EYS: variants seen among roughly 807,000 people sequenced by gnomAD.
EYS encodes the protein protein eyes shut homolog.
In EYS, 250 loss-of-function variants were observed where a neutral mutation model predicts 282.1. The ratio of observed to expected loss-of-function variants is 0.89; its 90% CI spans 0.80 to 0.98. EYS has a LOEUF of 0.98. Ranked by LOEUF, EYS falls within the 50% of genes least tolerant of loss-of-function variation. The pLI is 0.00. For missense variants in EYS, 4,016 were observed against 3,709.0 expected, an observed-to-expected ratio of 1.08 and a Z score of -2.15; for synonymous variants, 1,355 against 1,282.9, an observed-to-expected ratio of 1.06 and a Z score of -1.20.
intron 22 of EYS, among the ~76,000 whole-genome samples, chr6:64,682,923 A>G (rs62418023): frequency 0.062 from 9,509 of 152,252 alleles, 377 homozygotes; most frequent in East Asian, 0.15. Flanking sequence ...CCTGACCCAT[A>G]TGGATTCACA....
chr6:64,380,700 T>A (rs1353501303), intron 29 of EYS, among the ~76,000 whole-genome samples: 2 of 152,154 alleles, frequency 1.3e-5, no homozygotes, highest in Non-Finnish European at 2.9e-5. Flanking sequence ...TAGCACTGAT[T>A]GTTATAATAC....
chr6:64,589,351 C>G (rs931450430), intron 26 of EYS, among the ~76,000 whole-genome samples: 2 of 151,986 alleles, frequency 1.3e-5, no homozygotes, highest in Non-Finnish European at 2.9e-5. Context: ...AGCAAAAACA[C>G]ACAACCATAC....
chr6:64,696,664 A>G (rs1233750844), intron 22 of EYS, among the ~76,000 whole-genome samples: 1 of 152,210 alleles, frequency 6.6e-6, no homozygotes, highest in Non-Finnish European at 1.5e-5. Flanking sequence ...ACTCTTCAGC[A>G]GAAGCCATAC....
intron 12 of EYS, among the ~76,000 whole-genome samples, chr6:65,225,458 G>A (rs1430177719): frequency 1.3e-5 from 2 of 151,928 alleles, no homozygotes; most frequent in Admixed American, 1.3e-4. Context: ...GCTCACGCCT[G>A]TAATCCCAGC....
At chr6:64,445,543 G>C (rs1157181669) in intron 26 of EYS, among the ~76,000 whole-genome samples, 1 of 152,024 alleles carries the variant, frequency 6.6e-6, no homozygotes, top group South Asian at 2.1e-4. Flanking sequence ...AATGAAATAG[G>C]TTAAATAAAA....
At chr6:64,276,660 A>G (rs1361310563) in intron 30 of EYS, among the ~76,000 whole-genome samples, 3 of 152,184 alleles carry the variant, frequency 2.0e-5, no homozygotes, top group African/African-American at 7.2e-5. Flanking sequence ...AAAGTCAGTA[A>G]TGGTGAAAGC....
intron 14 of EYS, among the ~76,000 whole-genome samples, chr6:64,989,394 A>AATATATATATATATAT (rs60684321): frequency 0.054 from 3,792 of 69,662 alleles, 785 homozygotes; most frequent in African/African-American, 0.091. Flanking sequence ...GGCTAGCTGT[A>AATATATATATATATAT]ATATATATAT....
intron 22 of EYS, among the ~76,000 whole-genome samples, chr6:64,704,222 G>A (rs1770893827): frequency 6.7e-6 from 1 of 150,332 alleles, no homozygotes; most frequent in African/African-American, 2.4e-5. Context: ...AATTTTAGAT[G>A]TATTCATATT....
chr6:65,602,053 G>A (rs139067940), intron 2 of EYS, among the ~76,000 whole-genome samples: 52 of 151,900 alleles, frequency 3.4e-4, no homozygotes, highest in African/African-American at 8.2e-4. Context: ...TGGGTCTTTC[G>A]CAGTGTGGAT....
intron 36 of EYS, among the ~76,000 whole-genome samples, chr6:63,835,784 A>G (rs1051582786): frequency 3.0e-4 from 46 of 152,122 alleles, no homozygotes; most frequent in Non-Finnish European, 8.8e-5. Flanking sequence ...ACCATAGGTC[A>G]ACAAACTTAT....
At chr6:63,831,484 G>T (rs1250615529) in intron 36 of EYS, among the ~76,000 whole-genome samples, 4 of 151,860 alleles carry the variant, frequency 2.6e-5, no homozygotes, top group African/African-American at 4.8e-5. Flanking sequence ...CATTACATAA[G>T]TAAAGGGATC....
At chr6:64,869,765 T>C in intron 19 of EYS, among the ~76,000 whole-genome samples, 1 of 151,672 alleles carries the variant, frequency 6.6e-6, no homozygotes, top group East Asian at 1.9e-4. Flanking sequence ...ATAAAAGATC[T>C]TGAGAATTAG....
chr6:63,950,173 A>G (rs1394947082), intron 35 of EYS, among the ~76,000 whole-genome samples: 2 of 151,886 alleles, frequency 1.3e-5, no homozygotes, highest in Non-Finnish European at 2.9e-5. Flanking sequence ...CTCCGTCTCA[A>G]AAAACAAAAA....
At chr6:64,891,066 T>A (rs1251213445) in intron 18 of EYS, among the ~76,000 whole-genome samples, 1 of 152,076 alleles carries the variant, frequency 6.6e-6, no homozygotes, top group African/African-American at 2.4e-5. Flanking sequence ...AACTGGAATG[T>A]TGGGGGTCCC....
intron 29 of EYS, among the ~76,000 whole-genome samples, chr6:64,330,484 A>G (rs967424388): frequency 1.1e-4 from 16 of 152,188 alleles, no homozygotes; most frequent in African/African-American, 3.9e-4. Context: ...GAAGGCCTTG[A>G]TCCAGGTCCC....
intron 12 of EYS, among the ~76,000 whole-genome samples, chr6:65,293,322 G>A (rs1768578137): frequency 6.6e-6 from 1 of 151,472 alleles, no homozygotes; most frequent in East Asian, 1.9e-4. Flanking sequence ...AATAACACTG[G>A]AATTGCAAAA....
intron 22 of EYS, among the ~76,000 whole-genome samples, chr6:64,738,058 A>AG (rs70999169): frequency 0.8 from 121,181 of 152,012 alleles, 49,030 homozygotes; most frequent in Non-Finnish European, 0.87. Context: ...ACTATCGAGA[A>AG]TGAAATAAAA....
At chr6:63,917,166 A>C (rs1562095048) in intron 35 of EYS, among the ~76,000 whole-genome samples, 2 of 152,252 alleles carry the variant, frequency 1.3e-5, no homozygotes, top group Admixed American at 1.3e-4. Context: ...ACGCGCGTGC[A>C]TGTGCACATG....
intron 8 of EYS, among the ~76,000 whole-genome samples, chr6:65,364,463 C>A (rs1764835562): frequency 6.6e-6 from 1 of 150,808 alleles, no homozygotes; most frequent in South Asian, 2.1e-4. Flanking sequence ...TCAAATAGTC[C>A]ACTCATTACA....
Sources: gnomAD v4.1 joint callset for allele counts (sites outside exome capture counted in the v4.1 genomes callset) on GRCh38, gnomAD v4.1.1 for gene constraint, MANE v1.5 for transcripts, NCBI Gene and HGNC (gene_info 2026-07-23, HGNC 2026-07-21) for gene names.